ZNF695: variants seen among roughly 807,000 people sequenced by gnomAD.
ZNF695 encodes zinc finger protein 695.
In ZNF695, 11 loss-of-function variants were observed where a neutral mutation model predicts 11.2. The ratio of observed to expected loss-of-function variants is 0.98; its 90% CI spans 0.62 to 1.62. The LOEUF (loss-of-function observed/expected upper bound fraction) is 1.62. ZNF695 is among the 40% of genes most tolerant of loss of function. The pLI is 0.00. For missense variants in ZNF695, 559 were observed against 590.5 expected (o/e 0.95, Z 0.55); for synonymous variants, 190 against 201.4 (o/e 0.94, Z 0.48).
chr1:246,947,303 A>G (rs1367108017), intron 5 of ZNF695, among the ~76,000 whole-genome samples: 1 of 150,936 alleles, frequency 6.6e-6, no homozygotes, highest in Non-Finnish European at 1.5e-5. Flanking sequence ...TGTGCACCAT[A>G]GCCTCACACT....
chr1:246,945,976 G>T, intron 5 of ZNF695: 2 of 973,954 alleles, frequency 2.1e-6, no homozygotes, highest in Non-Finnish European at 3.1e-6. Context: ...ATTCACGCAG[G>T]TGTGAGCCAC....
intron 4 of ZNF695, chr1:246,969,354 A>G (rs1668367525): frequency 6.6e-6 from 1 of 152,250 alleles, no homozygotes; most frequent in South Asian, 2.1e-4. Context: ...TTGCTAAAGC[A>G]TAGCAAGAGT....
intron 3 of ZNF695, among the ~76,000 whole-genome samples, chr1:246,992,554 T>C (rs191196218): frequency 6.6e-6 from 1 of 152,324 alleles, no homozygotes; most frequent in East Asian, 1.9e-4. Flanking sequence ...AAGAGTATAA[T>C]TTGTCTGTAA....
intron 5 of ZNF695, among the ~76,000 whole-genome samples, chr1:246,960,992 G>A (rs991991028): frequency 6.6e-6 from 1 of 152,134 alleles, no homozygotes; most frequent in Non-Finnish European, 1.5e-5. Context: ...AAGGTCTTTT[G>A]AGCTCAAAAA....
In ZNF695 at chr1:246,988,121, C is replaced by T. The variant is rs776125700; in HGVS notation, c.394G>A (p.Gly132Ser). ...LRLRNDWEIV[G>S]EWKGQKASYN... ...CTTGCCTTCTGCCCTTTCCACTCACCCACAATTTCCCAGTCATTCCTTAAG... is the reference window on the plus strand; with the variant it reads ...CTTGCCTTCTGCCCTTTCCACTCACTCACAATTTCCCAGTCATTCCTTAAG... Residue 132 changes from glycine (G) to serine (S), a missense_variant, in exon 4 of 4, where the codon GGT becomes AGT. Gly to Ser is a moderately conservative substitution (Grantham distance 56). Coordinates refer to ENST00000339986, the MANE Select transcript of ZNF695 (RefSeq NM_020394.5). 2 of 1,613,860 alleles carry T rather than the reference C, an allele frequency of 1.2e-6. No individual in the cohort carries two copies. Among genetic ancestry groups the T allele is most frequent in the East Asian group, 4.5e-5 (2 of 44,876 alleles).
rs1558315127 is a variant in ZNF695, at chr1:246,987,431, T to G, written c.1084A>C (p.Asn362His). The change falls in exon 4 of 4, where the codon AAC (asparagine) becomes CAC (histidine). Residue 362 changes from asparagine to histidine, a missense_variant. Physicochemically the swap from Asn to His is moderately conservative, Grantham distance 68. Coordinates refer to ENST00000339986, the MANE Select transcript of ZNF695 (RefSeq NM_020394.5). ...TGTTCAGTCAGATGTGAGCTCTGGT[T>G]AAAGGCTTTTCCACATTCTTCACAT... is the stretch of plus-strand genomic sequence containing the variant. ...FRCEECGKAF[N>H]QSSHLTEHRR... is the part of the protein sequence containing the mutation. 1 of 1,612,652 alleles carries G rather than the reference T, an allele frequency of 6.2e-7. No individual in the cohort carries two copies. The highest frequency in any genetic ancestry group is 2.2e-5 in the East Asian group (1 of 44,844).
At chr1:246,969,044 C>T (rs1476372310) in intron 4 of ZNF695, 1 of 152,240 alleles carries the variant, frequency 6.6e-6, no homozygotes, top group Non-Finnish European at 1.5e-5. Flanking sequence ...CTCCTCTTTA[C>T]TTACACAAAT....
Position 246,987,561 on chromosome 1 carries a change from A to G in ZNF695, c.954T>C (p.His318=), listed in dbSNP as rs766820173. The G allele has an allele frequency of 4.4e-6, 7 of 1,598,888 alleles. 1 individual carries two copies. The South Asian group carries it at 6.8e-5, about 16-fold the overall frequency. ...FPYLTQHKRI[H]SREKPYKCEE... ...CACACTTGTAGGGTTTCTCTCTACT[A>G]TGAATTCTCTTGTGTTGAGTAAGGT... is the stretch of plus-strand genomic sequence containing the variant. The change falls in exon 4 of 4, where the codon CAT becomes CAC. Residue 318 remains histidine (H), a synonymous_variant. Coordinates refer to ENST00000339986, the MANE Select transcript of ZNF695 (RefSeq NM_020394.5).
rs528590101 is a variant in ZNF695 at position 246,986,788 on chromosome 1, G to A, written c.*179C>T. 208 of 1,369,762 alleles carry A rather than the reference G, an allele frequency of 1.5e-4. 3 individuals carry two copies. The South Asian group carries it at 3.6e-3, about 23-fold the overall frequency. The allele number at this position is 1,369,762 out of a possible 1,614,324, so 84.9% of individuals were successfully genotyped here. ...TGATATAAGTGGAGGTGTTGAACCG[G>A]TCTATTTGTATTGTTCGTAGCCTAA... On this transcript the variant is annotated 3_prime_UTR_variant, in exon 4 of 4. Coordinates refer to ENST00000339986, the MANE Select transcript of ZNF695 (RefSeq NM_020394.5).
chr1:247,003,209 C>T (rs1669440619), intron 1 of ZNF695, among the ~76,000 whole-genome samples: 1 of 152,166 alleles, frequency 6.6e-6, no homozygotes, highest in African/African-American at 2.4e-5. Context: ...ATGGAGTCAA[C>T]CTACCTGCCC....
At chr1:246,970,015 G>A (rs1394603586) in intron 4 of ZNF695, among the ~76,000 whole-genome samples, 1 of 152,210 alleles carries the variant, frequency 6.6e-6, no homozygotes, top group Non-Finnish European at 1.5e-5. Flanking sequence ...GCCTTGTAAA[G>A]TTAGAGATAC....
At chr1:246,972,271 T>C (rs556101658) in intron 4 of ZNF695, among the ~76,000 whole-genome samples, 1 of 152,316 alleles carries the variant, frequency 6.6e-6, no homozygotes, top group South Asian at 2.1e-4. Flanking sequence ...CCCAGGCACT[T>C]GGCTCACAAT....
Position 246,987,472 on chromosome 1 carries a change from C to T in ZNF695, c.1043G>A (p.Gly348Glu), listed in dbSNP as rs1305105984. ...YLTQHRRIHT[G>E]EKTFRCEECG... ...TTCTTCACATCGGAAGGTTTTCTCT[C>T]CAGTATGAATTCTTCTATGTTGAGT... The change falls in exon 4 of 4, where the codon GGA becomes GAA. Residue 348 changes from glycine to glutamate, a missense_variant. Physicochemically the swap from Gly to Glu is moderately conservative, Grantham distance 98 (BLOSUM62 -2). Transcript: ENST00000339986. 2.5e-6 allele frequency: 4 copies of T among 1,611,102 alleles called. No homozygotes were observed. The highest frequency in any genetic ancestry group is 3.4e-6 in the Non-Finnish European group (4 of 1,178,512).
chr1:247,001,712 C>CAAAAAAA (rs56131097), intron 1 of ZNF695, among the ~76,000 whole-genome samples: 32 of 79,254 alleles, frequency 4.0e-4, no homozygotes, highest in Non-Finnish European at 6.3e-4. Flanking sequence ...GACTTCGTCT[C>CAAAAAAA]AAAAAAAAAA....
intron 1 of ZNF695, among the ~76,000 whole-genome samples, chr1:247,001,793 T>G (rs1202176657): frequency 1.3e-5 from 2 of 150,528 alleles, no homozygotes; most frequent in African/African-American, 4.9e-5. Flanking sequence ...ATCAGAAAAC[T>G]TAACTATTCT....
intron 3 of ZNF695, chr1:246,995,934 T>C (rs914659973): frequency 1.7e-5 from 7 of 402,770 alleles, no homozygotes; most frequent in Middle Eastern, 3.6e-4. Flanking sequence ...CCTCCACATA[T>C]ATGGTCACAT....
intron 4 of ZNF695, among the ~76,000 whole-genome samples, chr1:246,978,618 G>C: frequency 6.6e-6 from 1 of 152,168 alleles, no homozygotes; most frequent in African/African-American, 2.4e-5. Flanking sequence ...TTGGAGTTTT[G>C]AGTCCAGCTC....
intron 5 of ZNF695, among the ~76,000 whole-genome samples, chr1:246,955,755 A>C (rs970018639): frequency 4.6e-5 from 7 of 152,132 alleles, no homozygotes; most frequent in African/African-American, 1.7e-4. Flanking sequence ...CCATCTCTCT[A>C]GAATGTAGGC....
At chr1:247,007,683 G>A (rs1392223595) in intron 1 of ZNF695, among the ~76,000 whole-genome samples, 2 of 152,060 alleles carry the variant, frequency 1.3e-5, no homozygotes, top group Admixed American at 1.3e-4. Flanking sequence ...GAAGTCACCA[G>A]GCAGAGACCG....
Sources: allele counts gnomAD v4.1 joint callset (sites outside exome capture counted in the v4.1 genomes callset), GRCh38; gene constraint gnomAD v4.1.1; transcripts MANE v1.5; gene names NCBI Gene and HGNC (gene_info 2026-07-23, HGNC 2026-07-21).